Variants in USP7 observed in about 807,000 individuals in gnomAD.
USP7 encodes the protein ubiquitin specific peptidase 7, also known as ubiquitin C-terminal hydrolase 7.
A neutral mutation model predicts 162.9 loss-of-function variants in USP7; 9 were observed. That is an observed-to-expected ratio of 0.06 (90% CI 0.03 to 0.10). USP7 has a LOEUF of 0.10. Ranked by LOEUF, USP7 falls within the 10% of genes least tolerant of loss-of-function variation. The pLI is 1.00. For synonymous variants in USP7, 562 were observed against 475.9 expected (o/e 1.18, Z -2.35); for missense variants, 715 against 1,373.7 (o/e 0.52, Z 7.58).
intron 26 of USP7, 97 bp from the exon 27 acceptor site, chr16:8,895,838 T>G: frequency 1.4e-6 from 1 of 716,380 alleles, no homozygotes; most frequent in South Asian, 2.0e-5. Context: ...TACCACGATA[T>G]GTTTTTTTTT....
chr16:8,901,061 G>T lies in USP7; in HGVS notation c.2141-4C>A, dbSNP rs751360755. ...CACATAACTGGGAGCAAGTCACCTA[G>T]GAGAAAGAAGATATTTTAAATGTGT... On this transcript the variant is annotated splice_region_variant and splice_polypyrimidine_tract_variant and intron_variant, in intron 19 of 30. Coordinates refer to ENST00000344836, the MANE Select transcript of USP7 (RefSeq NM_003470.3). The T allele has an allele frequency of 1.7e-5, 27 of 1,613,942 alleles. No individual in the cohort carries two copies. In the South Asian group the frequency reaches 3.0e-4, roughly 18 times the overall value.
intron 18 of USP7, among the ~76,000 whole-genome samples, chr16:8,901,522 G>C (rs1169233065): frequency 2.6e-5 from 4 of 152,198 alleles, no homozygotes; most frequent in Non-Finnish European, 5.9e-5. Context: ...TCCTAGTTCT[G>C]AGACCTGGAC....
chr16:8,939,882 G>A (rs928583104), intron 1 of USP7, among the ~76,000 whole-genome samples: 1 of 152,178 alleles, frequency 6.6e-6, no homozygotes, highest in Non-Finnish European at 1.5e-5. Flanking sequence ...GGCAGATCAC[G>A]AGGTCAGGAG....
intron 1 of USP7, among the ~76,000 whole-genome samples, chr16:8,934,098 CT>C (rs541931550): frequency 4.3e-4 from 66 of 152,268 alleles, no homozygotes; most frequent in Admixed American, 1.5e-3. Flanking sequence ...ACACCCAGTA[CT>C]TTTAACTTCC....
chr16:8,956,233 C>T (rs991060972), intron 1 of USP7: 1 of 152,168 alleles, frequency 6.6e-6, no homozygotes, highest in Non-Finnish European at 1.5e-5. Context: ...ATGACCTGTC[C>T]TGGTTTCACA....
chr16:8,948,455 G>C (rs1368317903), intron 1 of USP7, among the ~76,000 whole-genome samples: 1 of 152,214 alleles, frequency 6.6e-6, no homozygotes, highest in African/African-American at 2.4e-5. Flanking sequence ...AAAGTGCTGG[G>C]ATTACAGGTA....
chr16:8,933,672 T>G (rs554813817), intron 1 of USP7, among the ~76,000 whole-genome samples: 1 of 152,168 alleles, frequency 6.6e-6, no homozygotes, highest in South Asian at 2.1e-4. Context: ...AGGTTGGTCT[T>G]GAACTGGACT....
chr16:8,914,343 A>C (rs1277728729), intron 10 of USP7, among the ~76,000 whole-genome samples: 1 of 151,790 alleles, frequency 6.6e-6, no homozygotes, highest in Non-Finnish European at 1.5e-5. Context: ...CAATTGATAA[A>C]CCACTTTGGG....
chr16:8,928,239 C>G (rs923776958), intron 2 of USP7, among the ~76,000 whole-genome samples: 4 of 152,174 alleles, frequency 2.6e-5, no homozygotes, highest in Admixed American at 6.5e-5. Flanking sequence ...AGTCAAGTCG[C>G]TGATAGTTTG....
At chr16:8,925,606 C>A (rs934650487) in intron 2 of USP7, among the ~76,000 whole-genome samples, 9 of 152,188 alleles carry the variant, frequency 5.9e-5, no homozygotes, top group African/African-American at 2.2e-4. Context: ...GAAGTTTGCA[C>A]TTGGTTCACC....
At chr16:8,911,368 A>G (rs1486804768) in intron 10 of USP7, among the ~76,000 whole-genome samples, 4 of 152,234 alleles carry the variant, frequency 2.6e-5, no homozygotes, top group African/African-American at 4.8e-5. Flanking sequence ...AAAAGCAAAC[A>G]AGGACACACT....
At chr16:8,928,595 TAC>T (rs1336083765) in intron 2 of USP7, among the ~76,000 whole-genome samples, 10 of 152,310 alleles carry the variant, frequency 6.6e-5, no homozygotes, top group Admixed American at 5.9e-4. Flanking sequence ...GTTCTTCTCC[TAC>T]AGTCAGGACC....
chr16:8,899,165 C>T lies in USP7; in HGVS notation c.2487G>A (p.Arg829=), dbSNP rs772300332. The change falls in exon 23 of 31, where the codon AGG becomes AGA. Residue 829 remains arginine, a synonymous_variant. Coordinates refer to ENST00000344836, the MANE Select transcript of USP7 (RefSeq NM_003470.3). ...GCAGCAACATTGGATCTGTGTTGAGCCTCTGTGCAACTGTCTTTGCAACCT... is the reference window on the plus strand; with the variant it reads ...GCAGCAACATTGGATCTGTGTTGAGTCTCTGTGCAACTGTCTTTGCAACCT... ...YFQVAKTVAQ[R]LNTDPMLLQF... is the part of the protein sequence containing the mutation. The T allele has an allele frequency of 1.2e-6, 2 of 1,614,142 alleles. No homozygotes were observed. Among genetic ancestry groups the T allele is most frequent in the Non-Finnish European group, 1.7e-6 (2 of 1,180,038 alleles).
intron 30 of USP7, among the ~76,000 whole-genome samples, chr16:8,894,345 C>A (rs919846636): frequency 6.6e-6 from 1 of 152,200 alleles, no homozygotes; most frequent in East Asian, 1.9e-4. Flanking sequence ...AAGCTTCTCT[C>A]CTTGAAGATC....
intron 2 of USP7, chr16:8,929,290 C>A: frequency 2.9e-6 from 1 of 347,870 alleles, no homozygotes; most frequent in Non-Finnish European, 5.7e-6. Context: ...GAGACCACAC[C>A]CACACCATTG....
intron 2 of USP7, among the ~76,000 whole-genome samples, chr16:8,927,833 C>A (rs1471339728): frequency 6.6e-6 from 1 of 152,142 alleles, no homozygotes; most frequent in Non-Finnish European, 1.5e-5. Flanking sequence ...AAGAACCTAT[C>A]TCAAAATAAA....
chr16:8,895,214 C>A (rs539155654), intron 27 of USP7, 64 bp from the exon 28 acceptor site: 2 of 1,610,642 alleles, frequency 1.2e-6, no homozygotes, highest in Admixed American at 3.3e-5. Context: ...GTGTCCACAT[C>A]TCAATTCTCA....
chr16:8,961,504 A>AAAGG (rs558975663), intron 1 of USP7, among the ~76,000 whole-genome samples: 1 of 60,562 alleles, frequency 1.7e-5, no homozygotes, highest in Non-Finnish European at 3.1e-5. Context: ...AAAAAAAAAA[A>AAAGG]GGGGGGGGGG....
Position 8,897,009 on chromosome 16 carries a change from C to T in USP7, c.2809G>A (p.Gly937Arg). ...KAVELGEKAS[G>R]KLRLLEIVSY... ...TCAAGAAATACTTGCCTAAGTTTCC[C>T]TGATGCTTTCTCCCCAAGCTCCACG... The change falls in exon 26 of 31, where the codon GGG becomes AGG. Residue 937 changes from glycine (G) to arginine (R), a missense_variant. Physicochemically the swap from Gly to Arg is moderately radical, Grantham distance 125. Transcript: ENST00000344836. The T allele has an allele frequency of 6.2e-7, 1 of 1,613,846 alleles. No individual in the cohort carries two copies. The highest frequency in any genetic ancestry group is 8.5e-7 in the Non-Finnish European group (1 of 1,179,686).
Sources: gnomAD v4.1 joint callset for allele counts (sites outside exome capture counted in the v4.1 genomes callset) on GRCh38, gnomAD v4.1.1 for gene constraint, MANE v1.5 for transcripts, NCBI Gene and HGNC (gene_info 2026-07-23, HGNC 2026-07-21) for gene names.